The following CAMKMT variants were observed in gnomAD, a reference collection of about 807,000 sequenced individuals.
CAMKMT encodes the protein calmodulin-lysine N-methyltransferase.
Under a neutral mutation model 48.0 loss-of-function variants are expected in CAMKMT, and 53 were observed. The observed-to-expected ratio is 1.10, with a 90% CI of 0.89 to 1.39. The LOEUF (loss-of-function observed/expected upper bound fraction) is 1.39. Ranked by LOEUF, CAMKMT falls within the 40% of genes most tolerant of loss-of-function variation. The pLI, the probability that CAMKMT is intolerant of heterozygous loss-of-function variation, is 0.00. For missense variants in CAMKMT, 428 were observed against 402.7 expected, an observed-to-expected ratio of 1.06 and a Z score of -0.54; for synonymous variants, 165 against 152.3, an observed-to-expected ratio of 1.08 and a Z score of -0.61.
chr2:44,615,006 C>G (rs6744794), intron 3 of CAMKMT, among the ~76,000 whole-genome samples: 84,009 of 135,972 alleles, frequency 0.62, 26,344 homozygotes, highest in Middle Eastern at 0.71. Context: ...GCAGTGGTGA[C>G]ATCATAGCTC....
chr2:44,587,470 C>T (rs1438136021), intron 3 of CAMKMT, among the ~76,000 whole-genome samples: 1 of 144,858 alleles, frequency 6.9e-6, no homozygotes, highest in African/African-American at 2.6e-5. Flanking sequence ...GTCCCTCTCC[C>T]TCTCCGTCTC....
At chr2:44,419,700 C>T (rs947722543) in intron 3 of CAMKMT, among the ~76,000 whole-genome samples, 1 of 152,118 alleles carries the variant, frequency 6.6e-6, no homozygotes, top group Non-Finnish European at 1.5e-5. Flanking sequence ...CTTAAACTCC[C>T]AGGTAGCTAG....
At chr2:44,425,795 A>G (rs574581469) in intron 3 of CAMKMT, among the ~76,000 whole-genome samples, 2 of 151,074 alleles carry the variant, frequency 1.3e-5, no homozygotes, top group African/African-American at 4.9e-5. Context: ...CAATAGCATG[A>G]TCTTGGCTCA....
chr2:44,364,623 GGCGCATA>G (rs1272731260), intron 1 of CAMKMT, among the ~76,000 whole-genome samples: 1 of 152,168 alleles, frequency 6.6e-6, no homozygotes, highest in Non-Finnish European at 1.5e-5. Context: ...GTCTTTAAGT[GGCGCATA>G]GCACCTAGTC....
At chr2:44,538,546 C>A (rs1232514437) in intron 3 of CAMKMT, among the ~76,000 whole-genome samples, 1 of 152,040 alleles carries the variant, frequency 6.6e-6, no homozygotes, top group African/African-American at 2.4e-5. Context: ...ATGGTTTATT[C>A]TCACTTATAA....
At chr2:44,474,166 C>T (rs1042104828) in intron 3 of CAMKMT, among the ~76,000 whole-genome samples, 1 of 152,052 alleles carries the variant, frequency 6.6e-6, no homozygotes, top group Non-Finnish European at 1.5e-5. Context: ...AAGCATTGGG[C>T]CGGGCGTCGT....
intron 7 of CAMKMT, among the ~76,000 whole-genome samples, chr2:44,738,177 C>T (rs1679467014): frequency 6.6e-6 from 1 of 152,130 alleles, no homozygotes; most frequent in Admixed American, 6.5e-5. Flanking sequence ...TCAGGCAGTC[C>T]ACCTGCTTCT....
At chr2:44,442,659 T>C (rs1462528397) in intron 3 of CAMKMT, among the ~76,000 whole-genome samples, 1 of 152,228 alleles carries the variant, frequency 6.6e-6, no homozygotes, top group African/African-American at 2.4e-5. Flanking sequence ...CTAAATACAA[T>C]TGAAATGCTA....
At chr2:44,403,098 T>G (rs912591697) in intron 3 of CAMKMT, among the ~76,000 whole-genome samples, 1 of 152,152 alleles carries the variant, frequency 6.6e-6, no homozygotes, top group African/African-American at 2.4e-5. Context: ...GTTTCCTCTG[T>G]GGGATGATCT....
At chr2:44,520,409 A>G (rs984636858) in intron 3 of CAMKMT, among the ~76,000 whole-genome samples, 1 of 152,088 alleles carries the variant, frequency 6.6e-6, no homozygotes, top group Non-Finnish European at 1.5e-5. Context: ...GAGCCACTGC[A>G]TCCAGCCCTC....
intron 2 of CAMKMT, among the ~76,000 whole-genome samples, chr2:44,378,977 GTA>G (rs1679973647): frequency 6.6e-6 from 1 of 152,166 alleles, no homozygotes. Context: ...GTGGTTTTAA[GTA>G]TATTTACAAT....
At chr2:44,628,545 C>T (rs1174564563) in intron 3 of CAMKMT, among the ~76,000 whole-genome samples, 1 of 150,014 alleles carries the variant, frequency 6.7e-6, no homozygotes, top group African/African-American at 2.4e-5. Context: ...ACCTTTTTTT[C>T]TAAGTTTTTT....
chr2:44,689,580 TTTC>T (rs879651703), intron 3 of CAMKMT, among the ~76,000 whole-genome samples: 129 of 152,244 alleles, frequency 8.5e-4, no homozygotes, highest in Non-Finnish European at 1.1e-3. Context: ...AGTGTTCCTT[TTTC>T]TTCTTCTCTT....
intron 3 of CAMKMT, among the ~76,000 whole-genome samples, chr2:44,502,050 T>G (rs542250245): frequency 6.6e-6 from 1 of 152,094 alleles, no homozygotes; most frequent in East Asian, 1.9e-4. Flanking sequence ...GTGAAACTTG[T>G]CTCTACAAAA....
At chr2:44,647,979 C>T (rs1284914446) in intron 3 of CAMKMT, among the ~76,000 whole-genome samples, 1 of 149,926 alleles carries the variant, frequency 6.7e-6, no homozygotes, top group Non-Finnish European at 1.5e-5. Flanking sequence ...TTCACTACAC[C>T]ATTATCTGTA....
chr2:44,367,753 G>A (rs1268394137), intron 1 of CAMKMT, among the ~76,000 whole-genome samples: 1 of 152,184 alleles, frequency 6.6e-6, no homozygotes, highest in African/African-American at 2.4e-5. Context: ...AGCTGTACTC[G>A]ATGTTTAAGA....
intron 7 of CAMKMT, among the ~76,000 whole-genome samples, chr2:44,735,891 C>CT (rs1430445912): frequency 6.7e-6 from 1 of 150,082 alleles, no homozygotes; most frequent in Non-Finnish European, 1.5e-5. Flanking sequence ...CGAGCCTGCT[C>CT]TGTCTCAAAC....
chr2:44,623,226 G>T (rs766705469), intron 3 of CAMKMT, among the ~76,000 whole-genome samples: 21 of 151,994 alleles, frequency 1.4e-4, no homozygotes, highest in Non-Finnish European at 2.5e-4. Context: ...CTAGATATTA[G>T]GCCTTTGTTG....
chr2:44,613,747 A>C (rs1671721173), intron 3 of CAMKMT, among the ~76,000 whole-genome samples: 1 of 152,136 alleles, frequency 6.6e-6, no homozygotes, highest in Admixed American at 6.5e-5. Context: ...TACAGAGGAG[A>C]AATCTTAGAC....
Sources: allele counts gnomAD v4.1 joint callset (sites outside exome capture counted in the v4.1 genomes callset), GRCh38; gene constraint gnomAD v4.1.1; transcripts MANE v1.5; gene names NCBI Gene and HGNC (gene_info 2026-07-23, HGNC 2026-07-21).